The following CEP112 variants were observed in gnomAD, a reference collection of about 807,000 sequenced individuals.
The protein encoded by CEP112 is centrosomal protein of 112 kDa.
In CEP112, 127 loss-of-function variants were observed where a neutral mutation model predicts 153.0. The observed-to-expected ratio is 0.83, with a 90% CI of 0.72 to 0.96. CEP112 has a LOEUF of 0.96. Ranked by LOEUF, CEP112 falls within the 40% of genes least tolerant of loss-of-function variation. CEP112 has a pLI of 0.00. For missense variants in CEP112, 1,089 were observed against 1,101.2 expected (o/e 0.99, Z 0.16); for synonymous variants, 358 against 374.4 (o/e 0.96, Z 0.51).
chr17:66,112,013 G>C (rs142409036), intron 6 of CEP112, among the ~76,000 whole-genome samples: 1 of 152,106 alleles, frequency 6.6e-6, no homozygotes, highest in Admixed American at 6.6e-5. Flanking sequence ...TGAAAAGGCC[G>C]GGTGCGGTGG....
chr17:65,945,413 C>T (rs754974305), intron 18 of CEP112, among the ~76,000 whole-genome samples: 1 of 152,154 alleles, frequency 6.6e-6, no homozygotes, highest in Non-Finnish European at 1.5e-5. Flanking sequence ...TGCAGAATAG[C>T]TGAGAATAAG....
At chr17:66,120,234 T>C (rs1483710724) in intron 6 of CEP112, among the ~76,000 whole-genome samples, 1 of 152,124 alleles carries the variant, frequency 6.6e-6, no homozygotes, top group Non-Finnish European at 1.5e-5. Context: ...GGAGTCTCAC[T>C]CCATCGCCCA....
chr17:65,919,857 T>C (rs1232815886), intron 19 of CEP112, among the ~76,000 whole-genome samples: 1 of 152,092 alleles, frequency 6.6e-6, no homozygotes, highest in Non-Finnish European at 1.5e-5. Flanking sequence ...GTACCATGTA[T>C]GTATGGGTTC....
intron 8 of CEP112, among the ~76,000 whole-genome samples, chr17:66,076,335 C>T (rs2067494533): frequency 6.6e-6 from 1 of 152,194 alleles, no homozygotes; most frequent in South Asian, 2.1e-4. Flanking sequence ...TGCTCACCCA[C>T]TGCCTGGAAA....
At chr17:66,133,501 C>T (rs1475639624) in intron 4 of CEP112, among the ~76,000 whole-genome samples, 2 of 152,086 alleles carry the variant, frequency 1.3e-5, no homozygotes, top group East Asian at 3.9e-4. Flanking sequence ...ATGTGAAATG[C>T]AGAGTAAGTA....
At chr17:65,644,776 G>A (rs1485738495) in intron 24 of CEP112, among the ~76,000 whole-genome samples, 1 of 152,166 alleles carries the variant, frequency 6.6e-6, no homozygotes, top group Non-Finnish European at 1.5e-5. Context: ...AGCTAGGCAT[G>A]GTGGTGTGCA....
intron 16 of CEP112, among the ~76,000 whole-genome samples, chr17:66,018,570 C>A (rs953947379): frequency 2.6e-5 from 4 of 152,128 alleles, no homozygotes; most frequent in African/African-American, 9.7e-5. Context: ...CTTTTCACTG[C>A]ACAATTTCAT....
At chr17:65,966,031 T>G (rs922044573) in intron 17 of CEP112, among the ~76,000 whole-genome samples, 1 of 115,640 alleles carries the variant, frequency 8.6e-6, no homozygotes, top group African/African-American at 2.9e-5. Context: ...AAAAAAGGAC[T>G]GAAGATTTTT....
At chr17:65,920,906 C>G (rs1373195713) in intron 19 of CEP112, among the ~76,000 whole-genome samples, 1 of 152,120 alleles carries the variant, frequency 6.6e-6, no homozygotes, top group Non-Finnish European at 1.5e-5. Context: ...TATATTCAAC[C>G]TCAATAAATG....
intron 18 of CEP112, among the ~76,000 whole-genome samples, chr17:65,942,593 T>C (rs1813677961): frequency 6.6e-6 from 1 of 152,180 alleles, no homozygotes; most frequent in South Asian, 2.1e-4. Flanking sequence ...ATCAGGTGAG[T>C]TGAATCCCCT....
intron 24 of CEP112, among the ~76,000 whole-genome samples, chr17:65,642,350 AGCCT>A (rs1269814126): frequency 6.6e-6 from 1 of 152,232 alleles, no homozygotes; most frequent in Non-Finnish European, 1.5e-5. Context: ...GAGTTGGATA[AGCCT>A]ATCAATTTGC....
At chr17:65,750,786 A>G in intron 21 of CEP112, 62 bp from the exon 22 acceptor site, 18 of 1,477,998 alleles carry the variant, frequency 1.2e-5, no homozygotes, top group Non-Finnish European at 1.6e-5. Flanking sequence ...TCTCTTCCAC[A>G]TGCCTATCAC....
chr17:66,019,535 A>G (rs2064913547), intron 16 of CEP112, among the ~76,000 whole-genome samples: 1 of 152,226 alleles, frequency 6.6e-6, no homozygotes, highest in Non-Finnish European at 1.5e-5. Context: ...TTAATTGTAA[A>G]ATAAAAAGTG....
intron 21 of CEP112, among the ~76,000 whole-genome samples, chr17:65,827,053 G>A (rs1463363374): frequency 6.6e-6 from 1 of 152,206 alleles, no homozygotes; most frequent in Non-Finnish European, 1.5e-5. Flanking sequence ...TCATCTTTCT[G>A]CCATGCTGGA....
chr17:65,976,598 G>A (rs1462565988), intron 17 of CEP112, among the ~76,000 whole-genome samples: 2 of 151,860 alleles, frequency 1.3e-5, no homozygotes, highest in African/African-American at 4.8e-5. Flanking sequence ...AAGAATTTGT[G>A]ATAATTTTGA....
chr17:65,965,291 G>C (rs551085061), intron 17 of CEP112, among the ~76,000 whole-genome samples: 1 of 152,158 alleles, frequency 6.6e-6, no homozygotes, highest in South Asian at 2.1e-4. Context: ...GTTTTCAATT[G>C]ATCATTTCTA....
At chr17:66,045,218 C>A (rs1477357101) in intron 12 of CEP112, among the ~76,000 whole-genome samples, 3 of 151,950 alleles carry the variant, frequency 2.0e-5, no homozygotes, top group African/African-American at 7.3e-5. Context: ...CTACAACGTG[C>A]ACTACCACGC....
At chr17:65,805,984 G>GA (rs914608800) in intron 21 of CEP112, among the ~76,000 whole-genome samples, 3 of 152,096 alleles carry the variant, frequency 2.0e-5, no homozygotes, top group African/African-American at 4.8e-5. Flanking sequence ...CACAAAAGCA[G>GA]AAAAAAATAT....
chr17:65,916,467 C>T (rs1451646474), intron 19 of CEP112, among the ~76,000 whole-genome samples: 2 of 151,726 alleles, frequency 1.3e-5, no homozygotes, highest in African/African-American at 4.8e-5. Context: ...GCATTAGTTC[C>T]ACTTTATATT....
Sources: allele counts gnomAD v4.1 joint callset (sites outside exome capture counted in the v4.1 genomes callset), GRCh38; gene constraint gnomAD v4.1.1; transcripts MANE v1.5; gene names NCBI Gene and HGNC (gene_info 2026-07-23, HGNC 2026-07-21).